Variants in TNS1 observed in about 807,000 individuals in gnomAD.
TNS1 encodes the protein tensin 1, also known as tensin-1.
Under a neutral mutation model 168.6 loss-of-function variants are expected in TNS1, and 62 were observed. The observed-to-expected ratio is 0.37, with a 90% CI of 0.30 to 0.45. The LOEUF (loss-of-function observed/expected upper bound fraction) is 0.45. Among genes scored for constraint, TNS1 ranks in the 20% least tolerant of loss-of-function variants. The pLI is 1.00. For missense variants in TNS1, 2,240 were observed against 2,339.4 expected (o/e 0.96, Z 0.88); for synonymous variants, 934 against 933.2 (o/e 1.00, Z -0.02).
In TNS1 at chr2:217,886,692, G is replaced by A. The variant is rs750675932; in HGVS notation, c.867-46C>T. On this transcript the variant is annotated intron_variant, in intron 12 of 32. Coordinates refer to ENST00000682258, the MANE Select transcript of TNS1 (RefSeq NM_001387777.1). ...GCTTCAGGGAGTGAGGTGGGTACTG[G>A]TGCAGTAATCCCTGTTCTCTCTTTT... 5.8e-6 allele frequency: 8 copies of A among 1,372,504 alleles called. No homozygotes were observed. In the African/African-American group the frequency reaches 8.6e-5, roughly 15 times the overall value. The allele number at this position is 1,372,504 out of a possible 1,614,324, so 85.0% of individuals were successfully genotyped here.
chr2:217,863,609 T>A (rs1448868444), intron 18 of TNS1, among the ~76,000 whole-genome samples: 1 of 152,156 alleles, frequency 6.6e-6, no homozygotes, highest in Non-Finnish European at 1.5e-5. Flanking sequence ...CAACCCCATC[T>A]GGGCCACTAC....
chr2:217,827,996 G>C (rs548392397), intron 22 of TNS1, among the ~76,000 whole-genome samples: 1 of 152,214 alleles, frequency 6.6e-6, no homozygotes, highest in Non-Finnish European at 1.5e-5. Flanking sequence ...AACCAGCTGC[G>C]AGGAGAGCTG....
intron 5 of TNS1, 143 bp downstream of exon 5, chr2:217,907,066 TC>T (rs1953795139): frequency 1.6e-6 from 1 of 632,264 alleles, no homozygotes; most frequent in East Asian, 2.8e-5. Flanking sequence ...CCCCACTACT[TC>T]CCTGCAAGTT....
chr2:217,958,603 T>C (rs1171951743), intron 3 of TNS1, among the ~76,000 whole-genome samples: 1 of 152,260 alleles, frequency 6.6e-6, no homozygotes, highest in South Asian at 2.1e-4. Flanking sequence ...GACCTAACCA[T>C]GTCCATCTTA....
At chr2:217,905,551 C>T (rs894474253) in intron 6 of TNS1, 4 of 288,710 alleles carry the variant, frequency 1.4e-5, no homozygotes, top group Admixed American at 4.9e-5. Flanking sequence ...GGGCCTCGTG[C>T]CATCAACATC....
chr2:217,825,021 T>C (rs1300814331), intron 22 of TNS1, among the ~76,000 whole-genome samples: 7 of 151,868 alleles, frequency 4.6e-5, no homozygotes, highest in Admixed American at 3.9e-4. Flanking sequence ...CAGAGACACA[T>C]AGTAAGACCT....
chr2:217,825,949 G>A (rs906221591), intron 22 of TNS1, among the ~76,000 whole-genome samples: 4 of 152,238 alleles, frequency 2.6e-5, no homozygotes, highest in African/African-American at 9.7e-5. Flanking sequence ...CGCCCAGGGA[G>A]AAGCAGCAGC....
intron 21 of TNS1, among the ~76,000 whole-genome samples, chr2:217,833,027 G>A (rs569940008): frequency 8.5e-5 from 13 of 152,232 alleles, no homozygotes; most frequent in Admixed American, 1.3e-4. Flanking sequence ...GCTCATAGAC[G>A]CTTATCAAAC....
chr2:217,865,860 C>T (rs1309648086), intron 18 of TNS1, among the ~76,000 whole-genome samples: 4 of 152,172 alleles, frequency 2.6e-5, no homozygotes, highest in African/African-American at 7.2e-5. Flanking sequence ...TGGGGTGAGA[C>T]TCCTGAGTCC....
At chr2:217,860,773 A>G (rs75951299) in intron 18 of TNS1, among the ~76,000 whole-genome samples, 9,706 of 152,206 alleles carry the variant, frequency 0.064, 978 homozygotes, top group African/African-American at 0.22. Context: ...TTTCCAATAC[A>G]CATCAAAATA....
intron 3 of TNS1, among the ~76,000 whole-genome samples, chr2:217,967,884 A>G (rs1957686912): frequency 6.6e-6 from 1 of 152,256 alleles, no homozygotes; most frequent in Non-Finnish European, 1.5e-5. Flanking sequence ...TCGAATATAG[A>G]TGTAAAAATC....
At chr2:217,973,367 G>GA (rs58463140) in intron 3 of TNS1, among the ~76,000 whole-genome samples, 13,443 of 93,318 alleles carry the variant, frequency 0.14, 964 homozygotes, top group Non-Finnish European at 0.18. Flanking sequence ...TCCTGTCTCT[G>GA]AAAAAAAAAA....
intron 12 of TNS1, among the ~76,000 whole-genome samples, chr2:217,889,790 C>T (rs569622949): frequency 2.0e-5 from 3 of 152,216 alleles, no homozygotes; most frequent in Non-Finnish European, 4.4e-5. Context: ...GCTGACATCA[C>T]GGCAGGTGGC....
At chr2:218,001,957 G>A (rs1011641004) in intron 1 of TNS1, among the ~76,000 whole-genome samples, 11 of 152,054 alleles carry the variant, frequency 7.2e-5, no homozygotes, top group African/African-American at 1.2e-4. Context: ...AGCCAGGGAC[G>A]ACTTCCTCAC....
intron 3 of TNS1, among the ~76,000 whole-genome samples, chr2:217,955,206 G>A (rs995134164): frequency 2.6e-5 from 4 of 152,198 alleles, no homozygotes; most frequent in Non-Finnish European, 5.9e-5. Context: ...TCTCACCCCC[G>A]TGGGTTCCAC....
At chr2:217,857,633 A>C (rs1406774271) in intron 18 of TNS1, among the ~76,000 whole-genome samples, 1 of 152,230 alleles carries the variant, frequency 6.6e-6, no homozygotes, top group East Asian at 1.9e-4. Context: ...GAGTAGGAGC[A>C]GAAAACCTGA....
At chr2:218,007,568 G>C (rs1279729750), upstream of TNS1, among the ~76,000 whole-genome samples, 2 of 76,006 alleles carry the variant, frequency 2.6e-5, no homozygotes, top group Admixed American at 1.4e-4. Context: ...TCGGGGGGTG[G>C]GGGGGGGGGT....
intron 3 of TNS1, among the ~76,000 whole-genome samples, chr2:217,962,086 A>T (rs902768426): frequency 6.6e-6 from 1 of 152,216 alleles, no homozygotes; most frequent in Non-Finnish European, 1.5e-5. Context: ...CCTTACAATA[A>T]ATTTCTTAAT....
intron 8 of TNS1, among the ~76,000 whole-genome samples, chr2:217,895,696 C>T (rs541206495): frequency 5.3e-5 from 8 of 152,314 alleles, no homozygotes; most frequent in Non-Finnish European, 1.0e-4. Context: ...TGCCTTTCAA[C>T]GCCTGACCAC....
Sources: allele counts gnomAD v4.1 joint callset (sites outside exome capture counted in the v4.1 genomes callset), GRCh38; gene constraint gnomAD v4.1.1; transcripts MANE v1.5; gene names NCBI Gene and HGNC (gene_info 2026-07-23, HGNC 2026-07-21).